Variants in CAST observed in about 807,000 individuals in gnomAD.
CAST encodes MIR583 host.
In CAST, 76 loss-of-function variants were observed where a neutral mutation model predicts 119.6. That is an observed-to-expected ratio of 0.64 (90% confidence interval 0.53 to 0.77). The LOEUF (loss-of-function observed/expected upper bound fraction) is 0.77, where lower values mean the gene tolerates loss of function less well. CAST is among the 30% of genes least tolerant of loss of function. CAST has a pLI of 0.00. For synonymous variants in CAST, 319 were observed against 331.6 expected, an observed-to-expected ratio of 0.96 and a Z score of 0.41; for missense variants, 953 against 946.5, an observed-to-expected ratio of 1.01 and a Z score of -0.09.
At chr5:96,212,327 T>G in the CAST span, among the ~76,000 whole-genome samples, 1 of 152,188 alleles carries the variant, frequency 6.6e-6, no homozygotes, top group African/African-American at 2.4e-5. Flanking sequence ...TATGCTGTAC[T>G]TTCATTTTTA....
intron 3 of CAST, among the ~76,000 whole-genome samples, chr5:96,699,004 C>G (rs1753602765): frequency 6.6e-6 from 1 of 152,068 alleles, no homozygotes; most frequent in African/African-American, 2.4e-5. Flanking sequence ...AAATAATATC[C>G]CTTCTGCTAT....
chr5:96,702,484 T>C (rs1055608361), intron 3 of CAST, among the ~76,000 whole-genome samples: 10 of 152,202 alleles, frequency 6.6e-5, no homozygotes, highest in African/African-American at 2.4e-4. Context: ...CTAATCCACT[T>C]TATAGTTTCA....
chr5:96,054,363 TAGCCTC>T, the CAST span, among the ~76,000 whole-genome samples: 2 of 152,100 alleles, frequency 1.3e-5, no homozygotes, highest in Admixed American at 1.3e-4. Flanking sequence ...AGCAATCCTC[TAGCCTC>T]AGCCTCAGCT....
At chr5:96,121,572 G>T in the CAST span, among the ~76,000 whole-genome samples, 1 of 151,880 alleles carries the variant, frequency 6.6e-6, no homozygotes, top group African/African-American at 2.4e-5. Flanking sequence ...TCAGCGTTTT[G>T]GCGGTGAGGC....
the CAST span, among the ~76,000 whole-genome samples, chr5:96,357,525 G>A: frequency 6.6e-6 from 1 of 152,142 alleles, no homozygotes; most frequent in Non-Finnish European, 1.5e-5. Flanking sequence ...TAGTTTATGA[G>A]AGTTTTTAGC....
At chr5:96,234,149 C>T in the CAST span, among the ~76,000 whole-genome samples, 1 of 152,138 alleles carries the variant, frequency 6.6e-6, no homozygotes, top group Non-Finnish European at 1.5e-5. Context: ...CACTGGCTAA[C>T]TGTAGCCTGC....
intron 3 of CAST, 47 bp downstream of exon 3, chr5:96,695,954 G>GGATAT: frequency 7.4e-7 from 1 of 1,353,380 alleles, no homozygotes; most frequent in Non-Finnish European, 1.0e-6. Context: ...TATTCTACAG[G>GGATAT]GATATGATTA....
the CAST span, among the ~76,000 whole-genome samples, chr5:96,490,824 G>A: frequency 6.6e-6 from 1 of 151,734 alleles, no homozygotes; most frequent in African/African-American, 2.4e-5. Flanking sequence ...GATTATTTTG[G>A]AATAAATGAA....
chr5:96,396,443 T>C, the CAST span, among the ~76,000 whole-genome samples: 1 of 151,498 alleles, frequency 6.6e-6, no homozygotes, highest in Non-Finnish European at 1.5e-5. Flanking sequence ...TACCTGTAAT[T>C]CCAGCTAGTC....
the CAST span, among the ~76,000 whole-genome samples, chr5:96,033,522 A>C: frequency 1.3e-5 from 2 of 152,156 alleles, no homozygotes; most frequent in African/African-American, 4.8e-5. Context: ...GATTTCCAAC[A>C]AAGATACCAA....
chr5:96,055,190 A>G, the CAST span, among the ~76,000 whole-genome samples: 1 of 151,886 alleles, frequency 6.6e-6, no homozygotes, highest in Non-Finnish European at 1.5e-5. Flanking sequence ...GGACATCGCC[A>G]CCTCAGACCT....
the CAST span, chr5:95,962,209 G>A: frequency 7.8e-5 from 18 of 230,626 alleles, 1 homozygote; most frequent in East Asian, 8.7e-4. Flanking sequence ...CCCTGTGGGG[G>A]ATAGTAGTGA....
At chr5:96,197,551 A>C in the CAST span, among the ~76,000 whole-genome samples, 1 of 152,090 alleles carries the variant, frequency 6.6e-6, no homozygotes, top group African/African-American at 2.4e-5. Flanking sequence ...GATTTTCAAC[A>C]CTTCTTTTTT....
At chr5:96,264,061 G>C in the CAST span, among the ~76,000 whole-genome samples, 75 of 152,306 alleles carry the variant, frequency 4.9e-4, no homozygotes, top group Middle Eastern at 3.4e-3. Flanking sequence ...TGGGCCACTT[G>C]CTCTTTACCT....
intron 1 of CAST, among the ~76,000 whole-genome samples, chr5:96,589,823 T>G (rs1191644007): frequency 6.6e-6 from 1 of 152,240 alleles, no homozygotes; most frequent in East Asian, 1.9e-4. Context: ...ATAAGGGTCT[T>G]TCTTCGATTA....
At chr5:96,123,797 A>T in the CAST span, among the ~76,000 whole-genome samples, 1 of 152,212 alleles carries the variant, frequency 6.6e-6, no homozygotes, top group South Asian at 2.1e-4. Flanking sequence ...CTGATTTTAA[A>T]TGAAAAACTT....
At chr5:96,750,564 A>G (rs577657682) in intron 19 of CAST, 23 bp from the exon 20 acceptor site, 2 of 1,503,582 alleles carry the variant, frequency 1.3e-6, no homozygotes, top group African/African-American at 1.4e-5. Context: ...AAACTTATTG[A>G]GAGTACTTGT....
chr5:96,748,760 G>A, intron 19 of CAST, 147 bp downstream of exon 19: 1 of 559,466 alleles, frequency 1.8e-6, no homozygotes, highest in Non-Finnish European at 3.2e-6. Flanking sequence ...TTCCTTTTTG[G>A]ATGTGCTTTC....
intron 1 of CAST, among the ~76,000 whole-genome samples, chr5:96,542,680 T>C (rs1416563362): frequency 6.6e-6 from 1 of 152,230 alleles, no homozygotes; most frequent in Non-Finnish European, 1.5e-5. Flanking sequence ...AAGAGTTATT[T>C]ATATATTTTA....
Sources: allele counts gnomAD v4.1 joint callset (sites outside exome capture counted in the v4.1 genomes callset), GRCh38; gene constraint gnomAD v4.1.1; transcripts MANE v1.5; gene names NCBI Gene and HGNC (gene_info 2026-07-23, HGNC 2026-07-21).